PHTF2: variants seen among roughly 807,000 people sequenced by gnomAD.
PHTF2 encodes putative homeodomain transcription factor 2.
A neutral mutation model predicts 101.2 loss-of-function variants in PHTF2; 60 were observed. That is an observed-to-expected ratio of 0.59 (90% CI 0.48 to 0.73). The LOEUF (loss-of-function observed/expected upper bound fraction) is 0.73, where lower values mean the gene tolerates loss of function less well. Ranked by LOEUF, PHTF2 falls within the 30% of genes least tolerant of loss-of-function variation. PHTF2 has a pLI of 0.00. For missense variants in PHTF2, 747 were observed against 908.7 expected (o/e 0.82, Z 2.29); for synonymous variants, 311 against 307.3 (o/e 1.01, Z -0.13).
At chr7:77,877,073 T>C (rs1277062458) in intron 3 of PHTF2, among the ~76,000 whole-genome samples, 1 of 152,130 alleles carries the variant, frequency 6.6e-6, no homozygotes, top group Non-Finnish European at 1.5e-5. Context: ...TTTGAATTAT[T>C]TTCCCATGAT....
At chr7:77,943,025 C>A (rs1341025702) in intron 16 of PHTF2, among the ~76,000 whole-genome samples, 1 of 152,152 alleles carries the variant, frequency 6.6e-6, no homozygotes, top group Non-Finnish European at 1.5e-5. Flanking sequence ...TGCCTAGAAT[C>A]CTTCTCATTA....
chr7:77,803,776 G>A (rs1395808495), intron 1 of PHTF2, among the ~76,000 whole-genome samples: 1 of 150,524 alleles, frequency 6.6e-6, no homozygotes, highest in Admixed American at 6.6e-5. Flanking sequence ...CCAGAAAATG[G>A]CAAACAAGCA....
chr7:77,926,955 C>T (rs1204703655), intron 11 of PHTF2, among the ~76,000 whole-genome samples: 1 of 151,762 alleles, frequency 6.6e-6, no homozygotes, highest in Non-Finnish European at 1.5e-5. Context: ...GTTGCGAATT[C>T]CAGACCAATC....
At chr7:77,917,134 T>C (rs1803002399) in intron 9 of PHTF2, among the ~76,000 whole-genome samples, 2 of 152,238 alleles carry the variant, frequency 1.3e-5, no homozygotes, top group African/African-American at 4.8e-5. Context: ...TCTATTTTAT[T>C]CAATTTTTTA....
chr7:77,827,937 C>T (rs1366798664), intron 1 of PHTF2, among the ~76,000 whole-genome samples: 1 of 152,160 alleles, frequency 6.6e-6, no homozygotes, highest in Non-Finnish European at 1.5e-5. Flanking sequence ...AGCCACGGAG[C>T]CCAGCCTCAA....
intron 8 of PHTF2, 135 bp from the exon 8 acceptor site, chr7:77,910,110 C>G (rs1275772524): frequency 1.6e-6 from 1 of 622,426 alleles, no homozygotes; most frequent in East Asian, 2.9e-5. Context: ...TAAATTTTAT[C>G]TAGTAAATCT....
chr7:77,822,829 T>G (rs6976860), intron 1 of PHTF2, among the ~76,000 whole-genome samples: 62,021 of 151,654 alleles, frequency 0.41, 13,561 homozygotes, highest in African/African-American at 0.56. Flanking sequence ...TCTTTCTTAT[T>G]GGGGGGATGA....
intron 3 of PHTF2, among the ~76,000 whole-genome samples, chr7:77,858,534 G>T (rs1242900809): frequency 3.9e-5 from 6 of 152,116 alleles, no homozygotes; most frequent in Non-Finnish European, 8.8e-5. Context: ...GTTTCTTTGA[G>T]AAACAGACCG....
chr7:77,915,979 CTGTGTG>C (rs34376513), intron 9 of PHTF2, among the ~76,000 whole-genome samples: 16 of 147,912 alleles, frequency 1.1e-4, no homozygotes, highest in South Asian at 6.5e-4. Flanking sequence ...ATTTGTGTGT[CTGTGTG>C]TGTGTGTGTG....
chr7:77,932,611 A>AGG (rs1804692428), intron 12 of PHTF2, among the ~76,000 whole-genome samples: 4 of 105,128 alleles, frequency 3.8e-5, no homozygotes, highest in African/African-American at 1.5e-4. Flanking sequence ...AAAGAGAGAG[A>AGG]GAGAGAGAGA....
At position 77,866,184 on chromosome 7, in the gene PHTF2, C is replaced by CAAA. The variant is rs35744441; in HGVS notation, c.147+11368_147+11370dup. On this transcript the variant is annotated intron_variant, in intron 3 of 19. Transcript: ENST00000416283. ...GGATGACAGAGCGAGACTACCTCTC[C>CAAA]AAAAAAAAAAAAAAAAAAAATTATT... Among the ~76,000 whole-genome samples the CAAA allele has an allele frequency of 3.7e-3, 306 of 82,368 alleles. 1 individual carries two copies. Among genetic ancestry groups the CAAA allele is most frequent in the African/African-American group, 0.011 (281 of 24,676 alleles). The allele number at this position is 82,368 out of a possible 152,430, so 54.0% of individuals were successfully genotyped here.
chr7:77,806,955 A>G (rs975011041), intron 1 of PHTF2, among the ~76,000 whole-genome samples: 2 of 152,184 alleles, frequency 1.3e-5, no homozygotes, highest in Non-Finnish European at 2.9e-5. Context: ...GCTGTATATT[A>G]TAAATCCCAA....
chr7:77,854,847 AG>A, intron 3 of PHTF2: 1 of 756,158 alleles, frequency 1.3e-6, no homozygotes, highest in Non-Finnish European at 2.4e-6. Flanking sequence ...GAGTAATGCC[AG>A]GCCTGTTCTC....
At chr7:77,901,692 AT>A in intron 6 of PHTF2, 69 bp from the exon 6 acceptor site, 6 of 847,672 alleles carry the variant, frequency 7.1e-6, no homozygotes, top group Non-Finnish European at 9.8e-6. Context: ...AAACATTGAA[AT>A]TTTTTTCTTT....
intron 8 of PHTF2, chr7:77,909,335 G>A: frequency 6.4e-6 from 1 of 155,484 alleles, no homozygotes; most frequent in Non-Finnish European, 1.4e-5. Flanking sequence ...CAGCTAAACT[G>A]TATTTACTAA....
At chr7:77,807,912 T>C (rs1793121876) in intron 1 of PHTF2, among the ~76,000 whole-genome samples, 1 of 152,154 alleles carries the variant, frequency 6.6e-6, no homozygotes, top group Non-Finnish European at 1.5e-5. Context: ...CATTTTTTGT[T>C]GTATCCCATT....
chr7:77,808,076 G>T (rs1164214089), intron 1 of PHTF2, among the ~76,000 whole-genome samples: 3 of 152,078 alleles, frequency 2.0e-5, no homozygotes, highest in Non-Finnish European at 2.9e-5. Context: ...ACACTGTTAT[G>T]ATTACTGCTT....
At chr7:77,875,644 G>A (rs868560584) in intron 3 of PHTF2, among the ~76,000 whole-genome samples, 13 of 151,946 alleles carry the variant, frequency 8.6e-5, no homozygotes, top group South Asian at 4.1e-4. Context: ...TGCAAGCTCC[G>A]TCTCCTGGGT....
intron 2 of PHTF2, among the ~76,000 whole-genome samples, chr7:77,847,266 C>T (rs2150603394): frequency 6.6e-6 from 1 of 152,286 alleles, no homozygotes; most frequent in South Asian, 2.1e-4. Flanking sequence ...AAATTAAGAT[C>T]TACCAAAAAG....
Sources: allele counts gnomAD v4.1 joint callset (sites outside exome capture counted in the v4.1 genomes callset), GRCh38; gene constraint gnomAD v4.1.1; transcripts MANE v1.5; gene names NCBI Gene and HGNC (gene_info 2026-07-23, HGNC 2026-07-21).